Variants in PTPRD observed in about 807,000 individuals in gnomAD.
PTPRD encodes the protein protein tyrosine phosphatase receptor type D, also known as receptor-type tyrosine-protein phosphatase delta.
A neutral mutation model predicts 214.5 loss-of-function variants in PTPRD; 34 were observed. The observed-to-expected ratio is 0.16, with a 90% CI of 0.12 to 0.21. The LOEUF (loss-of-function observed/expected upper bound fraction) is 0.21, where lower values mean the gene tolerates loss of function less well. Ranked by LOEUF, PTPRD falls within the 10% of genes least tolerant of loss-of-function variation. The probability of loss-of-function intolerance (pLI) is 1.00; values close to 1 mark genes in which losing one functional copy is unlikely to be tolerated. For synonymous variants in PTPRD, 1,128 were observed against 845.7 expected (o/e 1.33, Z -5.79); for missense variants, 2,545 against 2,398.7 (o/e 1.06, Z -1.27).
intron 2 of PTPRD, among the ~76,000 whole-genome samples, chr9:10,429,992 T>C (rs1396047368): frequency 6.6e-6 from 1 of 151,952 alleles, no homozygotes; most frequent in Admixed American, 6.6e-5. Context: ...TCTCACCAGC[T>C]CCCTGTGTTA....
intron 11 of PTPRD, among the ~76,000 whole-genome samples, chr9:8,938,373 G>C (rs1455044023): frequency 1.3e-5 from 2 of 152,126 alleles, no homozygotes; most frequent in Non-Finnish European, 2.9e-5. Context: ...TCTGAGCTGA[G>C]TGAAAATGCC....
chr9:10,238,591 T>C (rs2099636791), intron 3 of PTPRD, among the ~76,000 whole-genome samples: 1 of 151,900 alleles, frequency 6.6e-6, no homozygotes, highest in African/African-American at 2.4e-5. Context: ...CGAAAGCATA[T>C]ACTTTTCCTT....
At chr9:9,386,020 C>T (rs1441175258) in intron 9 of PTPRD, among the ~76,000 whole-genome samples, 2 of 151,944 alleles carry the variant, frequency 1.3e-5, no homozygotes, top group African/African-American at 4.8e-5. Flanking sequence ...CCCAGTATGG[C>T]CTGCATCTTA....
chr9:9,642,338 C>T (rs956767665), intron 7 of PTPRD, among the ~76,000 whole-genome samples: 11 of 149,142 alleles, frequency 7.4e-5, no homozygotes, highest in African/African-American at 1.5e-4. Context: ...GTGGGTGCAG[C>T]GCACCAGCAT....
chr9:8,463,772 T>C (rs1425888659), intron 32 of PTPRD, among the ~76,000 whole-genome samples: 3 of 151,918 alleles, frequency 2.0e-5, no homozygotes, highest in Admixed American at 2.0e-4. Context: ...GCTTGTGTCT[T>C]TGAGAGGGAC....
chr9:10,536,328 T>G (rs1158043342), intron 2 of PTPRD, among the ~76,000 whole-genome samples: 1 of 152,142 alleles, frequency 6.6e-6, no homozygotes, highest in Admixed American at 6.6e-5. Context: ...TCACAGAATT[T>G]TATTGATTTC....
intron 11 of PTPRD, among the ~76,000 whole-genome samples, chr9:8,754,862 C>T (rs1182200442): frequency 6.6e-6 from 1 of 152,144 alleles, no homozygotes; most frequent in East Asian, 1.9e-4. Context: ...ATTGTATTCT[C>T]TATCCTTTTG....
intron 9 of PTPRD, among the ~76,000 whole-genome samples, chr9:9,253,837 C>G (rs1002587050): frequency 7.2e-5 from 11 of 152,132 alleles, no homozygotes; most frequent in Non-Finnish European, 1.5e-4. Context: ...TTATTCTCTT[C>G]TGTTCCAGAG....
intron 3 of PTPRD, among the ~76,000 whole-genome samples, chr9:10,179,873 A>G (rs997058812): frequency 6.6e-6 from 1 of 152,254 alleles, no homozygotes; most frequent in African/African-American, 2.4e-5. Context: ...CAATAACTGC[A>G]AAACTAAGCA....
At chr9:8,870,543 G>C (rs1490157322) in intron 11 of PTPRD, among the ~76,000 whole-genome samples, 1 of 152,104 alleles carries the variant, frequency 6.6e-6, no homozygotes, top group South Asian at 2.1e-4. Flanking sequence ...CCCAACCTTA[G>C]TAATGCCCTC....
At chr9:10,335,641 A>G (rs1371858812) in intron 3 of PTPRD, among the ~76,000 whole-genome samples, 1 of 151,830 alleles carries the variant, frequency 6.6e-6, no homozygotes. Flanking sequence ...AGACACTGTC[A>G]AGAGAATGAA....
chr9:9,280,910 C>A (rs902260416), intron 9 of PTPRD, among the ~76,000 whole-genome samples: 1 of 151,076 alleles, frequency 6.6e-6, no homozygotes, highest in South Asian at 2.1e-4. Context: ...TAGCTATTGG[C>A]AAAATGACAG....
intron 11 of PTPRD, among the ~76,000 whole-genome samples, chr9:8,929,704 T>G (rs144712420): frequency 6.8e-6 from 1 of 146,198 alleles, no homozygotes; most frequent in Non-Finnish European, 1.5e-5. Flanking sequence ...TATATATATG[T>G]GTATATATAT....
intron 8 of PTPRD, among the ~76,000 whole-genome samples, chr9:9,547,963 C>T (rs1407463698): frequency 2.6e-5 from 4 of 151,790 alleles, no homozygotes; most frequent in Admixed American, 2.6e-4. Flanking sequence ...ACTTTTCTCA[C>T]AAAAAATGCA....
chr9:9,729,711 T>C (rs914931179), intron 7 of PTPRD, among the ~76,000 whole-genome samples: 4 of 152,024 alleles, frequency 2.6e-5, no homozygotes, highest in African/African-American at 7.2e-5. Flanking sequence ...TCATGTCATA[T>C]CCTTTTTATA....
rs2097353234 is a variant in PTPRD, at chr9:8,499,737, T to A, written c.2232A>T (p.Ile744=). 3.1e-6 allele frequency: 5 copies of A among 1,614,146 alleles called. No individual in the cohort carries two copies. The highest frequency in any genetic ancestry group is 4.2e-6 in the Non-Finnish European group (5 of 1,180,008). ...SPVPNKQHGQ[I]RGYQVHYVRM... Reference sequence around the variant, plus strand: ...TCACATAATGCACCTGATATCCTCTTATCTGGCCATGCTGTTTATTGGGCA... The same window carrying A: ...TCACATAATGCACCTGATATCCTCTAATCTGGCCATGCTGTTTATTGGGCA... The change falls in exon 25 of 46, where the codon ATA becomes ATT. Residue 744 remains isoleucine (I), a synonymous_variant. Coordinates refer to ENST00000381196, the MANE Select transcript of PTPRD (RefSeq NM_002839.4).
At chr9:9,958,032 G>A (rs201240705) in intron 4 of PTPRD, among the ~76,000 whole-genome samples, 1 of 87,734 alleles carries the variant, frequency 1.1e-5, no homozygotes, top group Non-Finnish European at 2.7e-5. Flanking sequence ...GTATGTGTAA[G>A]AGAGAGAATC....
intron 10 of PTPRD, among the ~76,000 whole-genome samples, chr9:9,144,359 T>A (rs1277998071): frequency 6.6e-6 from 1 of 152,230 alleles, no homozygotes; most frequent in Admixed American, 6.5e-5. Flanking sequence ...TGACATGTAC[T>A]AAAGAGCTTT....
chr9:10,110,097 A>T (rs2098676897), intron 3 of PTPRD, among the ~76,000 whole-genome samples: 2 of 152,200 alleles, frequency 1.3e-5, no homozygotes, highest in Admixed American at 1.3e-4. Flanking sequence ...GACAGATTAA[A>T]TTTCCTCATA....
Sources: allele counts gnomAD v4.1 joint callset (sites outside exome capture counted in the v4.1 genomes callset), GRCh38; gene constraint gnomAD v4.1.1; transcripts MANE v1.5; gene names NCBI Gene and HGNC (gene_info 2026-07-23, HGNC 2026-07-21).